RFX3: variants seen among roughly 807,000 people sequenced by gnomAD.
RFX3 encodes transcription factor RFX3.
In RFX3, 14 loss-of-function variants were observed where a neutral mutation model predicts 98.6. The ratio of observed to expected loss-of-function variants is 0.14; its 90% CI spans 0.09 to 0.22. The LOEUF (loss-of-function observed/expected upper bound fraction) is 0.22, where lower values mean the gene tolerates loss of function less well. Among genes scored for constraint, RFX3 ranks in the 10% least tolerant of loss-of-function variants. The pLI, the probability that RFX3 is intolerant of heterozygous loss-of-function variation, is 1.00. For missense variants in RFX3, 639 were observed against 926.9 expected, an observed-to-expected ratio of 0.69 and a Z score of 4.03; for synonymous variants, 383 against 328.4, an observed-to-expected ratio of 1.17 and a Z score of -1.80.
In RFX3 at chr9:3,321,145, C is replaced by A. The variant is rs571837207; in HGVS notation, c.474+9114G>T. Among the ~76,000 whole-genome samples the A allele has an allele frequency of 3.2e-3, 493 of 152,160 alleles. 2 individuals carry two copies. Among genetic ancestry groups the A allele is most frequent in the Non-Finnish European group, 5.1e-3 (348 of 67,990 alleles). On this transcript the variant is annotated intron_variant, in intron 4 of 16. Coordinates refer to ENST00000617270, the MANE Select transcript of RFX3 (RefSeq NM_001282116.2). Reference sequence around the variant, plus strand: ...TCTCGAACTCCTGACCTCAGGTGATCCACCCGCCTCAGGCTCCCAAACTGC... The same window carrying A: ...TCTCGAACTCCTGACCTCAGGTGATACACCCGCCTCAGGCTCCCAAACTGC...
chr9:3,365,757 T>C (rs1836987902), intron 2 of RFX3, among the ~76,000 whole-genome samples: 1 of 151,962 alleles, frequency 6.6e-6, no homozygotes, highest in African/African-American at 2.4e-5. Context: ...TGCTCACACT[T>C]CCTGCTATTC....
intron 1 of RFX3, among the ~76,000 whole-genome samples, chr9:3,413,604 T>C (rs1043219659): frequency 8.6e-5 from 13 of 152,040 alleles, no homozygotes; most frequent in African/African-American, 3.1e-4. Context: ...ACACAGTTTC[T>C]TTAAAGAATT....
At chr9:3,306,126 C>T (rs1829287354) in intron 4 of RFX3, among the ~76,000 whole-genome samples, 1 of 151,986 alleles carries the variant, frequency 6.6e-6, no homozygotes, top group African/African-American at 2.4e-5. Context: ...TCAGTTAACA[C>T]CGATGGAAAA....
chr9:3,423,787 A>ATATATC lies in RFX3; in HGVS notation c.-8-28192_-8-28191insGATATA, dbSNP rs1287433409. Among the ~76,000 whole-genome samples the ATATATC allele has an allele frequency of 2.4e-3, 289 of 118,860 alleles. 3 individuals carry two copies. The highest frequency in any genetic ancestry group is 0.014 in the African/African-American group (279 of 20,656). The allele number at this position is 118,860 out of a possible 152,430, so 78.0% of individuals were successfully genotyped here. A position where few individuals can be genotyped will look rare whatever the true frequency, so the allele number is the denominator to read the frequency against. ...ATGTATTATATATTTTCATATATAT[A>ATATATC]TATATATATATATATATATATATAT... On this transcript the variant is annotated intron_variant, in intron 1 of 16. Coordinates refer to ENST00000617270, the MANE Select transcript of RFX3 (RefSeq NM_001282116.2).
intron 4 of RFX3, among the ~76,000 whole-genome samples, chr9:3,314,802 T>G (rs1248906605): frequency 1.3e-5 from 2 of 151,830 alleles, no homozygotes; most frequent in East Asian, 1.9e-4. Context: ...GGTAAAGAGA[T>G]CAATTCAACA....
intron 1 of RFX3, among the ~76,000 whole-genome samples, chr9:3,423,974 C>T (rs1435754678): frequency 4.0e-5 from 6 of 151,338 alleles, no homozygotes; most frequent in Admixed American, 2.0e-4. Context: ...GGTGAAACCC[C>T]GTCTGTACTA....
chr9:3,514,463 T>C (rs145410683), intron 1 of RFX3, among the ~76,000 whole-genome samples: 26 of 152,132 alleles, frequency 1.7e-4, no homozygotes, highest in African/African-American at 4.6e-4. Flanking sequence ...TTTTGTTTTG[T>C]TTTGCTTTGT....
intron 1 of RFX3, among the ~76,000 whole-genome samples, chr9:3,424,845 A>T (rs1032569459): frequency 1.8e-4 from 27 of 152,190 alleles, no homozygotes; most frequent in African/African-American, 6.3e-4. Context: ...ATTTTCTCAC[A>T]AAAAGAATAA....
chr9:3,346,738 C>G lies in RFX3; in HGVS notation c.144G>C (p.Gln48His). 6.2e-7 allele frequency: 1 copy of G among 1,613,510 alleles called. No individual in the cohort carries two copies. Among genetic ancestry groups the G allele is most frequent in the Non-Finnish European group, 8.5e-7 (1 of 1,179,518 alleles). The change falls in exon 3 of 17, where the codon CAG becomes CAC. Residue 48 changes from glutamine (Q) to histidine (H), a missense_variant. Physicochemically the swap from Gln to His is conservative, Grantham distance 24. Transcript: ENST00000617270. ...CCTGAGCGGGATAGACATGTTGTAC[C>G]TGCTGCACAGTCTGTACCTGCTGTA... ...QQVQQVQTVQ[Q>H]VQHVYPAQVQ... is the part of the protein sequence containing the mutation.
intron 3 of RFX3, among the ~76,000 whole-genome samples, chr9:3,341,333 A>G (rs1212196628): frequency 1.3e-5 from 2 of 152,066 alleles, no homozygotes; most frequent in Non-Finnish European, 2.9e-5. Context: ...GCAGCACACC[A>G]GCATGGCACA....
intron 4 of RFX3, among the ~76,000 whole-genome samples, chr9:3,317,477 A>G (rs1830757686): frequency 6.6e-6 from 1 of 152,246 alleles, no homozygotes; most frequent in South Asian, 2.1e-4. Context: ...TTCATGACTA[A>G]AACACCAAAA....
chr9:3,277,142 C>T (rs770777168), intron 8 of RFX3, among the ~76,000 whole-genome samples, 198 bp downstream of exon 8: 1 of 151,730 alleles, frequency 6.6e-6, no homozygotes, highest in Non-Finnish European at 1.5e-5. Flanking sequence ...CTATATAGCT[C>T]GAGATTTTTA....
chr9:3,269,871 C>T (rs1273468586), intron 11 of RFX3, among the ~76,000 whole-genome samples: 2 of 152,052 alleles, frequency 1.3e-5, no homozygotes, highest in East Asian at 1.9e-4. Flanking sequence ...AGATTCACTT[C>T]AAGTCAAAAG....
intron 1 of RFX3, among the ~76,000 whole-genome samples, chr9:3,518,928 C>T (rs552953771): frequency 3.3e-5 from 5 of 152,216 alleles, no homozygotes; most frequent in South Asian, 2.1e-4. Flanking sequence ...TTCTAAGCAA[C>T]GCATTATAAA....
chr9:3,326,165 T>C (rs576607249), intron 4 of RFX3, among the ~76,000 whole-genome samples: 2 of 152,214 alleles, frequency 1.3e-5, no homozygotes, highest in Non-Finnish European at 2.9e-5. Context: ...CATAGATGTA[T>C]ATATCTATAT....
In RFX3 at chr9:3,356,135, T is replaced by C. The variant is rs144995916; in HGVS notation, c.118-9371A>G. On this transcript the variant is annotated intron_variant, in intron 2 of 16. Transcript: ENST00000617270. Reference sequence around the variant, plus strand: ...CCACTTTGTGTTAAAAATTGAAGAATATATCAAATCTAGAATAAGTGGAAG... The same window carrying C: ...CCACTTTGTGTTAAAAATTGAAGAACATATCAAATCTAGAATAAGTGGAAG... Among the ~76,000 whole-genome samples the C allele has an allele frequency of 4.1e-3, 520 of 127,250 alleles. 2 individuals carry two copies. The highest frequency in any genetic ancestry group is 4.6e-3 in the Non-Finnish European group (280 of 61,448). 83.5% of individuals were successfully genotyped at this position (127,250 alleles called of 152,430 possible). A position where few individuals can be genotyped will look rare whatever the true frequency, so the allele number is the denominator to read the frequency against.
chr9:3,285,573 A>G (rs1353545078), intron 7 of RFX3, among the ~76,000 whole-genome samples: 2 of 151,480 alleles, frequency 1.3e-5, no homozygotes, highest in Non-Finnish European at 3.0e-5. Context: ...ACCACAGAAG[A>G]CTCCTGCTGC....
intron 6 of RFX3, among the ~76,000 whole-genome samples, chr9:3,289,903 T>C (rs527742667): frequency 2.6e-5 from 4 of 152,236 alleles, no homozygotes; most frequent in African/African-American, 4.8e-5. Context: ...ATTTTATTGA[T>C]AGATAATATT....
At chr9:3,362,238 G>A (rs981203594) in intron 2 of RFX3, among the ~76,000 whole-genome samples, 1 of 152,198 alleles carries the variant, frequency 6.6e-6, no homozygotes, top group Admixed American at 6.5e-5. Flanking sequence ...CAAAGTTGCT[G>A]TGAATCTTCT....
Sources: allele counts gnomAD v4.1 joint callset (sites outside exome capture counted in the v4.1 genomes callset), GRCh38; gene constraint gnomAD v4.1.1; transcripts MANE v1.5; gene names NCBI Gene and HGNC (gene_info 2026-07-23, HGNC 2026-07-21).